GNG4: variants seen among roughly 807,000 people sequenced by gnomAD.
The protein encoded by GNG4 is guanine nucleotide-binding protein G(I)/G(S)/G(O) subunit gamma-4.
A neutral mutation model predicts 5.8 loss-of-function variants in GNG4; 4 were observed. The ratio of observed to expected loss-of-function variants is 0.69; its 90% CI spans 0.34 to 1.57. The LOEUF (loss-of-function observed/expected upper bound fraction) is 1.57, where lower values mean the gene tolerates loss of function less well. Among genes scored for constraint, GNG4 ranks in the 40% most tolerant of loss-of-function variants. The pLI, the probability that GNG4 is intolerant of heterozygous loss-of-function variation, is 0.06. For missense variants in GNG4, 96 were observed against 95.1 expected, an observed-to-expected ratio of 1.01 and a Z score of -0.04; for synonymous variants, 29 against 32.9, an observed-to-expected ratio of 0.88 and a Z score of 0.41.
chr1:235,617,205 C>T (rs1688609089), intron 1 of GNG4, among the ~76,000 whole-genome samples: 2 of 152,136 alleles, frequency 1.3e-5, no homozygotes, highest in African/African-American at 4.8e-5. Flanking sequence ...GAAACAGGTT[C>T]ACCTCTTCTT....
At chr1:235,643,395 G>A (rs1657395169) in intron 1 of GNG4, among the ~76,000 whole-genome samples, 1 of 152,194 alleles carries the variant, frequency 6.6e-6, no homozygotes, top group African/African-American at 2.4e-5. Flanking sequence ...CTATCAGAAA[G>A]AACTAACACT....
rs764036618 is a variant in GNG4, at chr1:235,583,841, T to C, written c.-3A>G. On this transcript the variant is annotated 5_prime_UTR_variant, in exon 3 of 4. Transcript: ENST00000391854. ...TTATTAGACATGCCCTCTTTCATTC[T>C]ACTGCCCCTAGAAGTAACCAAAGTA... 2 of 1,607,214 alleles carry C rather than the reference T, an allele frequency of 1.2e-6. No homozygotes were observed. The highest frequency in any genetic ancestry group is 1.1e-5 in the South Asian group (1 of 90,866).
At chr1:235,600,099 G>GGTTTTTTT (rs1558492553) in intron 1 of GNG4, among the ~76,000 whole-genome samples, 1 of 51,418 alleles carries the variant, frequency 1.9e-5, no homozygotes, top group Non-Finnish European at 4.2e-5. Flanking sequence ...GCGGAAGAAA[G>GGTTTTTTT]CTTTTTTTTT....
chr1:235,637,432 C>A (rs922609567), intron 1 of GNG4, among the ~76,000 whole-genome samples: 1 of 151,428 alleles, frequency 6.6e-6, no homozygotes, highest in Non-Finnish European at 1.5e-5. Context: ...GTGGGGGGAT[C>A]ACTTGAGGCC....
intron 3 of GNG4, among the ~76,000 whole-genome samples, chr1:235,576,897 G>T: frequency 6.6e-6 from 1 of 152,084 alleles, no homozygotes; most frequent in East Asian, 1.9e-4. Context: ...GTGCAAATGG[G>T]GACAAGCAGA....
chr1:235,615,455 A>G (rs879293865), intron 1 of GNG4: 1 of 155,862 alleles, frequency 6.4e-6, no homozygotes, highest in African/African-American at 2.4e-5. Flanking sequence ...CTGCTCCCTC[A>G]TGGGCACCAT....
intron 1 of GNG4, among the ~76,000 whole-genome samples, chr1:235,630,962 G>A (rs910017356): frequency 6.6e-6 from 1 of 151,420 alleles, no homozygotes. Flanking sequence ...GCCGTGGCAC[G>A]ATCTCGGCTC....
At chr1:235,593,945 C>T (rs563759910) in intron 2 of GNG4, among the ~76,000 whole-genome samples, 34 of 152,358 alleles carry the variant, frequency 2.2e-4, no homozygotes, top group African/African-American at 7.5e-4. Context: ...ATTACCCCAG[C>T]TGGCGCGGGC....
intron 3 of GNG4, among the ~76,000 whole-genome samples, chr1:235,582,755 G>A (rs756497496): frequency 3.3e-5 from 5 of 152,194 alleles, no homozygotes; most frequent in African/African-American, 7.2e-5. Flanking sequence ...ACATGGGTCC[G>A]GTGATACTGA....
chr1:235,592,513 A>C (rs750034789), intron 2 of GNG4, among the ~76,000 whole-genome samples: 20 of 152,070 alleles, frequency 1.3e-4, no homozygotes, highest in Admixed American at 8.5e-4. Context: ...TTATCTCTAA[A>C]TAAATAAATA....
intron 1 of GNG4, among the ~76,000 whole-genome samples, chr1:235,635,750 C>T (rs1307541248): frequency 6.6e-6 from 1 of 152,120 alleles, no homozygotes; most frequent in Admixed American, 6.5e-5. Context: ...GAAGATACAA[C>T]ACGACAAAGC....
At chr1:235,610,032 A>G (rs1688447469) in intron 1 of GNG4, among the ~76,000 whole-genome samples, 2 of 152,162 alleles carry the variant, frequency 1.3e-5, no homozygotes. Context: ...CCATCATCTA[A>G]TCCTCTAACG....
At chr1:235,597,960 T>C (rs1688164450) in intron 1 of GNG4, among the ~76,000 whole-genome samples, 1 of 152,064 alleles carries the variant, frequency 6.6e-6, no homozygotes. Flanking sequence ...TTCTTCTACT[T>C]TTCCACCACA....
chr1:235,562,542 G>A (rs560964263), intron 3 of GNG4, among the ~76,000 whole-genome samples: 4 of 151,786 alleles, frequency 2.6e-5, no homozygotes, highest in Admixed American at 6.6e-5. Flanking sequence ...CTACTCAGGA[G>A]GCTGAGGCAG....
chr1:235,582,727 G>A (rs1029216939), intron 3 of GNG4, among the ~76,000 whole-genome samples: 2 of 152,202 alleles, frequency 1.3e-5, no homozygotes, highest in Non-Finnish European at 2.9e-5. Context: ...GTATGTATGA[G>A]ATGTAGATGC....
At chr1:235,640,870 G>A (rs2102988502) in intron 1 of GNG4, among the ~76,000 whole-genome samples, 2 of 152,364 alleles carry the variant, frequency 1.3e-5, no homozygotes, top group South Asian at 4.1e-4. Context: ...CCCAGTCCCT[G>A]GATGGGTGGA....
At chr1:235,579,765 C>T (rs988342904) in intron 3 of GNG4, among the ~76,000 whole-genome samples, 12 of 149,500 alleles carry the variant, frequency 8.0e-5, no homozygotes, top group African/African-American at 2.7e-4. Flanking sequence ...GCAGGAAAAC[C>T]ACTTGAACTC....
intron 1 of GNG4, among the ~76,000 whole-genome samples, chr1:235,603,645 T>G (rs1688300498): frequency 6.6e-6 from 1 of 152,196 alleles, no homozygotes; most frequent in Admixed American, 6.6e-5. Context: ...TTACTCAACT[T>G]ACATCTTGAG....
chr1:235,587,837 G>T (rs1315486362), intron 2 of GNG4, among the ~76,000 whole-genome samples: 3 of 149,256 alleles, frequency 2.0e-5, no homozygotes, highest in Non-Finnish European at 4.5e-5. Flanking sequence ...AGCATGCGGG[G>T]TGAACGTGTG....
Sources: gnomAD v4.1 joint callset for allele counts (sites outside exome capture counted in the v4.1 genomes callset) on GRCh38, gnomAD v4.1.1 for gene constraint, MANE v1.5 for transcripts, NCBI Gene and HGNC (gene_info 2026-07-23, HGNC 2026-07-21) for gene names.